LAMA1: variants seen among roughly 807,000 people sequenced by gnomAD.
LAMA1 encodes laminin subunit alpha-1.
LAMA1 carries 219 observed loss-of-function variants against 348.7 expected under a neutral mutation model. The ratio of observed to expected loss-of-function variants is 0.63; its 90% CI spans 0.56 to 0.70. The LOEUF (loss-of-function observed/expected upper bound fraction) is 0.70. LAMA1 is among the 30% of genes least tolerant of loss of function. The pLI is 0.00. For missense variants in LAMA1, 3,744 were observed against 3,888.0 expected (o/e 0.96, Z 0.99); for synonymous variants, 1,487 against 1,491.0 (o/e 1.00, Z 0.06).
intron 49 of LAMA1, 117 bp downstream of exon 49, chr18:6,966,030 T>C (rs1467033936): frequency 9.0e-7 from 1 of 1,114,354 alleles, no homozygotes; most frequent in Non-Finnish European, 1.3e-6. Flanking sequence ...CTCATAAAAA[T>C]TGTATGGTAT....
At position 6,975,008 on chromosome 18, in the gene LAMA1, C is replaced by T. The variant is rs554700376; in HGVS notation, c.6518G>A (p.Arg2173Gln). The T allele has an allele frequency of 2.0e-5, 33 of 1,614,020 alleles. No individual in the cohort carries two copies. The highest frequency in any genetic ancestry group is 1.7e-4 in the Middle Eastern group (1 of 6,060). Residue 2173 changes from arginine (R) to glutamine (Q), a missense_variant, in exon 46 of 63, where the codon CGA becomes CAA. Arg to Gln is a conservative substitution (Grantham distance 43). Coordinates refer to ENST00000389658, the MANE Select transcript of LAMA1 (RefSeq NM_005559.4). ...ASDFLAVEMR[R>Q]GRVAFLWDLG... ...GTCCCACAGGAAGGCCACTCTCCCTCGCCGCATCTCCACTGCAAGGAAATC... is the reference window on the plus strand; with the variant it reads ...GTCCCACAGGAAGGCCACTCTCCCTTGCCGCATCTCCACTGCAAGGAAATC...
At chr18:6,976,109 T>C in intron 44 of LAMA1, 29 bp from the exon 45 acceptor site, 8 of 1,613,398 alleles carry the variant, frequency 5.0e-6, no homozygotes, top group Non-Finnish European at 6.8e-6. Context: ...AGTGTCCCCA[T>C]CATTTAGTGA....
At chr18:7,050,260 A>G (rs1448662175) in intron 4 of LAMA1, among the ~76,000 whole-genome samples, 7 of 152,178 alleles carry the variant, frequency 4.6e-5, no homozygotes, top group African/African-American at 1.7e-4. Flanking sequence ...TTATACTCTG[A>G]CTTCAAGGAA....
intron 1 of LAMA1, among the ~76,000 whole-genome samples, chr18:7,100,058 C>CAAAAAAAAAAAAAAAAA (rs3038921): frequency 5.0e-5 from 4 of 79,702 alleles, no homozygotes; most frequent in Non-Finnish European, 7.3e-5. Context: ...GACTTTGTCT[C>CAAAAAAAAAAAAAAAAA]AAAAAAAAAA....
intron 32 of LAMA1, among the ~76,000 whole-genome samples, chr18:6,998,745 A>G (rs2057793900): frequency 6.6e-6 from 1 of 152,200 alleles, no homozygotes; most frequent in African/African-American, 2.4e-5. Context: ...ACAAAAGCCC[A>G]CGACAGGCCG....
chr18:6,987,251 T>C (rs2057739398), intron 36 of LAMA1, among the ~76,000 whole-genome samples: 1 of 152,182 alleles, frequency 6.6e-6, no homozygotes, highest in Non-Finnish European at 1.5e-5. Context: ...ATTCAGGAAA[T>C]TGGGACAACA....
intron 60 of LAMA1, among the ~76,000 whole-genome samples, chr18:6,947,576 T>C (rs974588768): frequency 7.2e-5 from 11 of 152,196 alleles, no homozygotes; most frequent in African/African-American, 2.4e-4. Context: ...TGCCTCACCC[T>C]GTGGACACGT....
At chr18:7,045,591 C>A (rs1030945981) in intron 6 of LAMA1, among the ~76,000 whole-genome samples, 2 of 152,038 alleles carry the variant, frequency 1.3e-5, no homozygotes, top group African/African-American at 4.8e-5. Context: ...CAGAGTCTCG[C>A]TCTGTCACCC....
rs1290070991 is a variant in LAMA1, at chr18:6,966,294, G to C, written c.6903C>G (p.Ser2301=). The change falls in exon 49 of 63, where the codon TCC becomes TCG. Residue 2301 remains serine (S), a synonymous_variant. Coordinates refer to ENST00000389658, the MANE Select transcript of LAMA1 (RefSeq NM_005559.4). ...AATGGAAGGAAGGGTCTTCATTCTGGGAGCTGCAAAGCAGAAGAGATGAAA... is the reference window on the plus strand; with the variant it reads ...AATGGAAGGAAGGGTCTTCATTCTGCGAGCTGCAAAGCAGAAGAGATGAAA... ...EGKCRGCFGS[S]QNEDPSFHFD... 1 of 1,613,394 alleles carries C rather than the reference G, an allele frequency of 6.2e-7. No individual in the cohort carries two copies. The highest frequency in any genetic ancestry group is 2.2e-5 in the East Asian group (1 of 44,878).
rs756115640 is a variant in LAMA1, at chr18:6,943,236, T to C, written c.9011A>G (p.His3004Arg). The C allele has an allele frequency of 6.2e-7, 1 of 1,614,098 alleles. No individual in the cohort carries two copies. The highest frequency in any genetic ancestry group is 1.7e-5 in the Admixed American group (1 of 60,002). The change falls in exon 62 of 63, where the codon CAC (histidine) becomes CGC (arginine). Residue 3004 changes from histidine to arginine, a missense_variant. Around this residue, in one of 3 missense-constraint regions of LAMA1, gnomAD observed 232 missense variants for 264.4 expected, o/e 0.88. Coordinates refer to ENST00000389658, the MANE Select transcript of LAMA1 (RefSeq NM_005559.4). ...DGNAVGAESP[H>R]TQSTSVDTNN... is the part of the protein sequence containing the mutation. The stretch of plus-strand genomic sequence containing the variant: ...GGTGTCCACTGAGGTAGACTGGGTG[T>C]GTGGACTTTCAGCGCCAACTGCGTT...
chr18:7,021,708 A>G (rs892073277), intron 19 of LAMA1, among the ~76,000 whole-genome samples: 19 of 150,486 alleles, frequency 1.3e-4, no homozygotes, highest in Admixed American at 9.3e-4. Context: ...TCTTTTTACT[A>G]TTGAAAAATG....
intron 16 of LAMA1, among the ~76,000 whole-genome samples, chr18:7,029,859 C>T (rs1397812818): frequency 1.3e-5 from 2 of 151,916 alleles, no homozygotes; most frequent in East Asian, 3.9e-4. Context: ...GGAACCTCAT[C>T]TCTAATGAAC....
At chr18:7,039,047 A>C in intron 10 of LAMA1, 97 bp from the exon 11 acceptor site, 1 of 985,052 alleles carries the variant, frequency 1.0e-6, no homozygotes, top group Non-Finnish European at 1.6e-6. Flanking sequence ...TGATCCACAG[A>C]GACAGGTGAA....
intron 7 of LAMA1, among the ~76,000 whole-genome samples, chr18:7,043,829 T>C (rs1314187187): frequency 6.6e-6 from 1 of 152,088 alleles, no homozygotes; most frequent in African/African-American, 2.4e-5. Flanking sequence ...ATTGCTAATA[T>C]GGAAAGAATT....
chr18:6,973,669 A>G (rs919141220), intron 46 of LAMA1, among the ~76,000 whole-genome samples: 2 of 152,194 alleles, frequency 1.3e-5, no homozygotes, highest in East Asian at 1.9e-4. Context: ...CTTAAGTGCA[A>G]TGTGCTGCCA....
Position 6,976,069 on chromosome 18 carries a change from G to A in LAMA1, c.6357C>T (p.Ala2119=), listed in dbSNP as rs148287322. The change falls in exon 45 of 63, where the codon GCC becomes GCT. Residue 2119 remains alanine, a synonymous_variant. Coordinates refer to ENST00000389658, the MANE Select transcript of LAMA1 (RefSeq NM_005559.4). ...GGATGCAATCTCTGTCTGCAGACAC[G>A]GCGACTTTAATCTGTAGAAGGAAAA... ...ARKQAASIKV[A]VSADRDCIRA... The A allele has an allele frequency of 5.5e-5, 89 of 1,613,932 alleles. No homozygotes were observed. In the Middle Eastern group the frequency reaches 1.8e-3, roughly 33 times the overall value.
intron 53 of LAMA1, chr18:6,959,795 CTTTT>C: frequency 3.0e-6 from 1 of 334,100 alleles, no homozygotes; most frequent in South Asian, 3.0e-5. Flanking sequence ...TGTAATTTGT[CTTTT>C]TATCAATGAA....
At chr18:6,968,540 G>A (rs1455692718) in intron 48 of LAMA1, among the ~76,000 whole-genome samples, 1 of 152,194 alleles carries the variant, frequency 6.6e-6, no homozygotes, top group Non-Finnish European at 1.5e-5. Flanking sequence ...GGCCCGGAAC[G>A]CAGGTGACTG....
Position 7,002,326 on chromosome 18 carries a change from C to T in LAMA1, c.4320G>A (p.Gly1440=). 1.2e-6 allele frequency: 2 copies of T among 1,613,746 alleles called. No homozygotes were observed. Among genetic ancestry groups the T allele is most frequent in the Non-Finnish European group, 8.5e-7 (1 of 1,180,012 alleles). ...HCDVCTSGYY[G]KVTGSASDCA... is the part of the protein sequence containing the mutation. ...AGTCACTTGCTGAGCCAGTCACCTT[C>T]CCGTAGTAGCCAGAAGTACACACAT... Residue 1440 remains glycine (G), a synonymous_variant, in exon 30 of 63, where the codon GGG becomes GGA. Coordinates refer to ENST00000389658, the MANE Select transcript of LAMA1 (RefSeq NM_005559.4).
Sources: allele counts gnomAD v4.1 joint callset (sites outside exome capture counted in the v4.1 genomes callset), GRCh38; gene constraint gnomAD v4.1.1; regional missense constraint gnomAD v4.1.1; transcripts MANE v1.5; gene names NCBI Gene and HGNC (gene_info 2026-07-23, HGNC 2026-07-21).